PWWP2A: variants seen among roughly 807,000 people sequenced by gnomAD.
PWWP2A encodes PWWP domain-containing protein 2A.
In PWWP2A, 18 loss-of-function variants were observed where a neutral mutation model predicts 48.5. That is an observed-to-expected ratio of 0.37 (90% confidence interval 0.26 to 0.55). The LOEUF is 0.55. PWWP2A is among the 20% of genes least tolerant of loss of function. The pLI, the probability that PWWP2A is intolerant of heterozygous loss-of-function variation, is 0.81. For missense variants in PWWP2A, 867 were observed against 976.4 expected (o/e 0.89, Z 1.49); for synonymous variants, 396 against 387.7 (o/e 1.02, Z -0.25).
downstream of PWWP2A, among the ~76,000 whole-genome samples, chr5:160,086,599 C>G (rs139604309): frequency 1.4e-3 from 213 of 151,918 alleles, 1 homozygote; most frequent in African/African-American, 4.9e-3. Flanking sequence ...TTTTTAACAT[C>G]AAGGCTTTAT....
At chr5:160,047,683 C>T in the PWWP2A span, among the ~76,000 whole-genome samples, 1 of 152,106 alleles carries the variant, frequency 6.6e-6, no homozygotes, top group Non-Finnish European at 1.5e-5. Flanking sequence ...CAGGAAGGTC[C>T]TCCATGGCCC....
At chr5:160,110,635 G>A (rs1757462468) in intron 1 of PWWP2A, among the ~76,000 whole-genome samples, 1 of 151,762 alleles carries the variant, frequency 6.6e-6, no homozygotes, top group Non-Finnish European at 1.5e-5. Context: ...GAACCCAGGA[G>A]GCAGAGGTTG....
intron 2 of PWWP2A, among the ~76,000 whole-genome samples, chr5:160,083,379 C>T (rs540355079): frequency 5.3e-5 from 8 of 152,286 alleles, no homozygotes; most frequent in Admixed American, 2.6e-4. Context: ...CAGTTCAAGG[C>T]GTTGGAATGT....
the PWWP2A span, among the ~76,000 whole-genome samples, chr5:160,044,931 T>C: frequency 6.6e-6 from 1 of 152,206 alleles, no homozygotes; most frequent in East Asian, 1.9e-4. Context: ...TTATATTTGG[T>C]ATTTCCTTAT....
downstream of PWWP2A, among the ~76,000 whole-genome samples, chr5:160,071,701 C>T (rs528992516): frequency 1.3e-5 from 2 of 152,284 alleles, no homozygotes; most frequent in East Asian, 1.9e-4. Flanking sequence ...TTGCCCTTGG[C>T]TTAAGAGGAA....
the PWWP2A span, chr5:160,051,167 A>G: frequency 3.7e-6 from 6 of 1,611,020 alleles, no homozygotes; most frequent in Non-Finnish European, 5.1e-6. Context: ...ATGAAAGACT[A>G]AAAGAAGAGA....
chr5:160,116,952 C>A (rs1758199537), intron 1 of PWWP2A: 1 of 159,506 alleles, frequency 6.3e-6, no homozygotes, highest in Non-Finnish European at 1.3e-5. Flanking sequence ...ATTAGCCAGG[C>A]GTGGTGGCAC....
chr5:160,078,215 A>G lies in PWWP2A; in HGVS notation c.1670-47T>C, dbSNP rs1167140989. ...GAAGAAAATGTCGTTAAGCACAAGTAATTATATGAGGAAAATGATGTCCTT... is the reference window on the plus strand; with the variant it reads ...GAAGAAAATGTCGTTAAGCACAAGTGATTATATGAGGAAAATGATGTCCTT... On this transcript the variant is annotated intron_variant, in intron 3 of 3. Coordinates refer to the PWWP2A transcript ENST00000456329. This position sits in a 1 kb window ranked among gnomAD's most constrained non-coding sequence, Gnocchi z 4.2. 3 of 1,435,114 alleles carry G rather than the reference A, an allele frequency of 2.1e-6. No homozygotes were observed. In the African/African-American group the frequency reaches 4.3e-5, roughly 20 times the overall value. The allele number at this position is 1,435,114 out of a possible 1,614,324, so 88.9% of individuals were successfully genotyped here.
intron 1 of PWWP2A, among the ~76,000 whole-genome samples, chr5:160,118,311 A>G (rs1268430794): frequency 6.6e-6 from 1 of 152,172 alleles, no homozygotes; most frequent in Non-Finnish European, 1.5e-5. Flanking sequence ...CCCTGTAAGG[A>G]GTGACAGGTA....
In PWWP2A at chr5:160,119,184, G is replaced by T. The variant is rs1267905706; in HGVS notation, c.205C>A (p.Pro69Thr). The T allele has an allele frequency of 6.7e-7, 1 of 1,483,374 alleles. No individual in the cohort carries two copies. The highest frequency in any genetic ancestry group is 1.8e-4 in the Middle Eastern group (1 of 5,520). 91.9% of individuals were successfully genotyped at this position (1,483,374 alleles called of 1,614,324 possible). Residue 69 changes from proline to threonine, a missense_variant, in exon 1 of 2, where the codon CCG (proline) becomes ACG (threonine). By Grantham distance (38) the Pro-to-Thr change is conservative (BLOSUM62 -1). Around this residue, in one of 4 missense-constraint regions of PWWP2A, gnomAD observed 385 missense variants for 396.9 expected, o/e 0.97. Coordinates refer to ENST00000307063, the MANE Select transcript of PWWP2A (RefSeq NM_001130864.2). Reference protein sequence around the residue: ...SAPQADEPPLPPPPPPPGELA... With the variant: ...SAPQADEPPLTPPPPPPGELA... ...TCCCCCGGCGGCGGCGGTGGCGGCGGGAGCGGCGGCTCGTCGGCCTGAGGA... is the reference window on the plus strand; with the variant it reads ...TCCCCCGGCGGCGGCGGTGGCGGCGTGAGCGGCGGCTCGTCGGCCTGAGGA...
chr5:160,048,142 T>C, the PWWP2A span, among the ~76,000 whole-genome samples: 1 of 132,564 alleles, frequency 7.5e-6, no homozygotes, highest in African/African-American at 2.9e-5. Context: ...TTTTTTTTTT[T>C]TTTTTTTTTT....
intron 1 of PWWP2A, chr5:160,108,603 G>A (rs1313739391): frequency 4.7e-6 from 6 of 1,284,434 alleles, no homozygotes; most frequent in Middle Eastern, 4.3e-4. Context: ...TGCACCATAC[G>A]TTTCATGGTC....
At chr5:160,090,215 A>G (rs553225399), downstream of PWWP2A, 36 of 985,180 alleles carry the variant, frequency 3.7e-5, 1 homozygote, top group African/African-American at 3.8e-4. Flanking sequence ...AACAAATCCA[A>G]TTTGGTTTAT....
At chr5:160,065,520 G>T in intron 4 of PWWP2A, 1 of 405,750 alleles carries the variant, frequency 2.5e-6, no homozygotes, top group South Asian at 1.8e-5. Flanking sequence ...TTTCCTCTGT[G>T]GTAATAAAAG....
At chr5:160,083,525 G>A (rs1191234237) in intron 2 of PWWP2A, among the ~76,000 whole-genome samples, 2 of 152,178 alleles carry the variant, frequency 1.3e-5, no homozygotes, top group Non-Finnish European at 2.9e-5. Flanking sequence ...TACGGTCCTA[G>A]GGAAGCACAG....
the PWWP2A span, among the ~76,000 whole-genome samples, chr5:160,053,754 A>G: frequency 6.6e-6 from 1 of 152,298 alleles, no homozygotes; most frequent in Non-Finnish European, 1.5e-5. Context: ...GATCACCTTG[A>G]GTAGTACAAA....
At chr5:160,046,929 T>A in the PWWP2A span, among the ~76,000 whole-genome samples, 12 of 152,184 alleles carry the variant, frequency 7.9e-5, no homozygotes, top group African/African-American at 2.6e-4. Context: ...GGAGAATCAC[T>A]TGAACCTGGG....
intron 1 of PWWP2A, among the ~76,000 whole-genome samples, chr5:160,105,395 G>A (rs1487830776): frequency 2.0e-5 from 3 of 149,524 alleles, no homozygotes; most frequent in East Asian, 2.0e-4. Context: ...AAAATTAGCC[G>A]GGCACGGAGG....
chr5:160,060,833 G>T (rs1021817316), downstream of PWWP2A, among the ~76,000 whole-genome samples: 23 of 152,160 alleles, frequency 1.5e-4, no homozygotes, highest in Non-Finnish European at 2.9e-4. Flanking sequence ...ATACTGTTTT[G>T]CCCTGTTCTT....
Sources: allele counts gnomAD v4.1 joint callset (sites outside exome capture counted in the v4.1 genomes callset), GRCh38; gene constraint gnomAD v4.1.1; regional missense constraint gnomAD v4.1.1; non-coding constraint Gnocchi (gnomAD v3.1); transcripts MANE v1.5; gene names NCBI Gene and HGNC (gene_info 2026-07-23, HGNC 2026-07-21).